The following ROBO2 variants were observed in gnomAD, a reference collection of about 807,000 sequenced individuals.
ROBO2 encodes the protein roundabout homolog 2.
Under a neutral mutation model 160.8 loss-of-function variants are expected in ROBO2, and 53 were observed. The ratio of observed to expected loss-of-function variants is 0.33; its 90% CI spans 0.26 to 0.41. The LOEUF (loss-of-function observed/expected upper bound fraction) is 0.41. ROBO2 is among the 10% of genes least tolerant of loss of function. The pLI, the probability that ROBO2 is intolerant of heterozygous loss-of-function variation, is 1.00. For synonymous variants in ROBO2, 664 were observed against 611.7 expected (o/e 1.09, Z -1.26); for missense variants, 1,577 against 1,722.4 (o/e 0.92, Z 1.49).
At chr3:77,104,743 A>C (rs1461183257) in intron 2 of ROBO2, among the ~76,000 whole-genome samples, 1 of 152,178 alleles carries the variant, frequency 6.6e-6, no homozygotes, top group East Asian at 1.9e-4. Context: ...ACAGTCATAA[A>C]ACATTTCTAC....
At chr3:77,240,868 TA>T (rs1231535607) in intron 2 of ROBO2, among the ~76,000 whole-genome samples, 2 of 152,222 alleles carry the variant, frequency 1.3e-5, no homozygotes. Context: ...TCTAACTTTA[TA>T]AAGCAGCCCA....
At chr3:77,564,740 T>C (rs1420303432) in intron 11 of ROBO2, among the ~76,000 whole-genome samples, 1 of 152,144 alleles carries the variant, frequency 6.6e-6, no homozygotes, top group African/African-American at 2.4e-5. Flanking sequence ...TTTAATTTTG[T>C]TGTGCATGGC....
In ROBO2 at chr3:76,270,075, T is replaced by C. The variant is rs558511194; in HGVS notation, c.109+332473T>C. Among the ~76,000 whole-genome samples, 267 of 152,190 alleles carry C rather than the reference T, an allele frequency of 1.8e-3. 2 individuals carry two copies. The highest frequency in any genetic ancestry group is 6.3e-3 in the African/African-American group (261 of 41,560). ...TGGTTAAAATTGGAATTGACTGTCA[T>C]ATTGATGGAGGAGTTTAAGGATAGT... On this transcript the variant is annotated intron_variant, in intron 2 of 26. Transcript: ENST00000487694.
At chr3:76,613,898 A>G (rs1203872359) in intron 2 of ROBO2, among the ~76,000 whole-genome samples, 1 of 152,128 alleles carries the variant, frequency 6.6e-6, no homozygotes, top group African/African-American at 2.4e-5. Context: ...TTCTTTTTGA[A>G]AAATGATAGG....
chr3:77,647,130 T>G (rs886058881), exon 26 of ROBO2: 2 of 152,726 alleles, frequency 1.3e-5, no homozygotes, highest in Middle Eastern at 3.4e-3. Context: ...ATATAAACTC[T>G]ATTGCAATAT....
intron 2 of ROBO2, among the ~76,000 whole-genome samples, chr3:76,623,686 C>A (rs61172342): frequency 2.0e-5 from 3 of 152,166 alleles, no homozygotes; most frequent in African/African-American, 7.2e-5. Context: ...ATTCTGAAAT[C>A]TTTAACAACA....
At chr3:76,526,716 A>G (rs2081967033) in intron 2 of ROBO2, among the ~76,000 whole-genome samples, 1 of 152,070 alleles carries the variant, frequency 6.6e-6, no homozygotes, top group Non-Finnish European at 1.5e-5. Flanking sequence ...AACACAAACC[A>G]TTTATAGGAG....
intron 7 of ROBO2, among the ~76,000 whole-genome samples, chr3:77,550,271 A>C (rs2092866935): frequency 6.6e-6 from 1 of 152,060 alleles, no homozygotes; most frequent in Non-Finnish European, 1.5e-5. Context: ...TCAAAGCTGC[A>C]AAAACTTTAC....
At chr3:76,566,047 C>G (rs929210688) in intron 2 of ROBO2, among the ~76,000 whole-genome samples, 11 of 152,160 alleles carry the variant, frequency 7.2e-5, no homozygotes, top group African/African-American at 2.7e-4. Context: ...AAATCAAAGT[C>G]TCTTCTCCAG....
intron 2 of ROBO2, among the ~76,000 whole-genome samples, chr3:76,872,946 AC>A (rs2072273840): frequency 6.6e-6 from 1 of 152,166 alleles, no homozygotes; most frequent in African/African-American, 2.4e-5. Context: ...GTATTTAGAT[AC>A]TGGCAATTTT....
chr3:76,499,615 G>A (rs1490022957), intron 2 of ROBO2, among the ~76,000 whole-genome samples: 2 of 152,086 alleles, frequency 1.3e-5, no homozygotes, highest in African/African-American at 4.8e-5. Context: ...GAATGAAAAG[G>A]CACCTGTTCA....
exon 26 of ROBO2, chr3:77,648,511 T>C (rs549118724): frequency 1.3e-5 from 2 of 152,310 alleles, no homozygotes; most frequent in African/African-American, 4.8e-5. Context: ...GCAGAGCTTG[T>C]GGTTACTTGG....
At chr3:76,449,229 A>G (rs566173170) in intron 2 of ROBO2, among the ~76,000 whole-genome samples, 111 of 152,236 alleles carry the variant, frequency 7.3e-4, no homozygotes, top group African/African-American at 2.1e-3. Context: ...ACTGTTATGT[A>G]TTTTTTATAA....
At chr3:76,401,121 G>C (rs17014060) in intron 2 of ROBO2, among the ~76,000 whole-genome samples, 5,421 of 151,528 alleles carry the variant, frequency 0.036, 209 homozygotes, top group African/African-American at 0.095. Flanking sequence ...CTGCTGCAAG[G>C]GTGGAACATA....
intron 2 of ROBO2, among the ~76,000 whole-genome samples, chr3:76,362,119 C>A (rs2075556885): frequency 6.6e-6 from 1 of 152,198 alleles, no homozygotes; most frequent in African/African-American, 2.4e-5. Flanking sequence ...AATCTTAACA[C>A]TTTGGGAGGC....
intron 7 of ROBO2, among the ~76,000 whole-genome samples, chr3:77,547,894 T>A (rs765098404): frequency 3.9e-5 from 6 of 152,162 alleles, no homozygotes; most frequent in East Asian, 3.9e-4. Flanking sequence ...TCTTTTCAGA[T>A]GTTAGCGTCT....
At chr3:76,057,488 A>G (rs1220927382) in intron 2 of ROBO2, among the ~76,000 whole-genome samples, 1 of 151,626 alleles carries the variant, frequency 6.6e-6, no homozygotes, top group East Asian at 1.9e-4. Context: ...TGGTTGATAA[A>G]TAAGTCAGTT....
At chr3:75,989,644 A>C (rs921988786) in intron 2 of ROBO2, among the ~76,000 whole-genome samples, 5 of 152,216 alleles carry the variant, frequency 3.3e-5, no homozygotes, top group Non-Finnish European at 7.3e-5. Flanking sequence ...TTACCAAAAA[A>C]AGATTTGTTT....
intron 2 of ROBO2, among the ~76,000 whole-genome samples, chr3:77,359,885 T>C (rs2069677931): frequency 6.6e-6 from 1 of 151,916 alleles, no homozygotes; most frequent in African/African-American, 2.4e-5. Flanking sequence ...TGGGTTTGAC[T>C]CTCTTGCCCA....
Sources: gnomAD v4.1 joint callset for allele counts (sites outside exome capture counted in the v4.1 genomes callset) on GRCh38, gnomAD v4.1.1 for gene constraint, MANE v1.5 for transcripts, NCBI Gene and HGNC (gene_info 2026-07-23, HGNC 2026-07-21) for gene names.